NXPE2: variants seen among roughly 807,000 people sequenced by gnomAD.
The protein encoded by NXPE2 is neurexophilin and PC-esterase domain family member 2.
NXPE2 carries 34 observed loss-of-function variants against 34.4 expected under a neutral mutation model. The ratio of observed to expected loss-of-function variants is 0.99; its 90% confidence interval spans 0.75 to 1.31. The LOEUF is 1.31. Among genes scored for constraint, NXPE2 ranks in the 40% most tolerant of loss-of-function variants. The probability of loss-of-function intolerance (pLI) is 0.00; values close to 1 mark genes in which losing one functional copy is unlikely to be tolerated. For missense variants in NXPE2, 649 were observed against 672.5 expected (o/e 0.97, Z 0.39); for synonymous variants, 235 against 231.3 (o/e 1.02, Z -0.15).
the NXPE2 span, among the ~76,000 whole-genome samples, chr11:114,555,488 G>T: frequency 6.6e-6 from 1 of 152,286 alleles, no homozygotes; most frequent in African/African-American, 2.4e-5. Flanking sequence ...GCCTCCCAAA[G>T]TGCTGGGATT....
upstream of NXPE2, among the ~76,000 whole-genome samples, chr11:114,674,820 G>A (rs751265991): frequency 2.0e-5 from 3 of 151,702 alleles, no homozygotes; most frequent in Non-Finnish European, 4.4e-5. Flanking sequence ...GCATTGTCCC[G>A]ATATCAAAGC....
chr11:114,675,668 T>A (rs1394782178), upstream of NXPE2, among the ~76,000 whole-genome samples: 1 of 151,942 alleles, frequency 6.6e-6, no homozygotes, highest in Non-Finnish European at 1.5e-5. Flanking sequence ...AAAATGTCCA[T>A]ACTGCCCAAA....
the NXPE2 span, among the ~76,000 whole-genome samples, chr11:114,650,378 C>A: frequency 1.3e-5 from 2 of 152,196 alleles, no homozygotes; most frequent in Admixed American, 1.3e-4. Flanking sequence ...ATGAGCTCTT[C>A]CCTATGATCC....
chr11:114,586,271 G>A, the NXPE2 span, among the ~76,000 whole-genome samples: 2 of 152,110 alleles, frequency 1.3e-5, no homozygotes, highest in African/African-American at 4.8e-5. Context: ...GTATGTCCAT[G>A]TCCTTGATTT....
chr11:114,534,056 T>C, the NXPE2 span, among the ~76,000 whole-genome samples: 13 of 152,266 alleles, frequency 8.5e-5, no homozygotes, highest in Admixed American at 3.9e-4. Context: ...GACTGACACC[T>C]CACACTGCCG....
At chr11:114,467,471 A>G in the NXPE2 span, among the ~76,000 whole-genome samples, 1 of 152,156 alleles carries the variant, frequency 6.6e-6, no homozygotes, top group Admixed American at 6.5e-5. Context: ...AGACTTCCAC[A>G]CATTCCCCAA....
the NXPE2 span, among the ~76,000 whole-genome samples, chr11:114,561,836 A>C: frequency 1.3e-5 from 2 of 152,224 alleles, no homozygotes; most frequent in Non-Finnish European, 2.9e-5. Flanking sequence ...CTTTTCTTTC[A>C]TAATTTTGAT....
chr11:114,551,350 C>G, the NXPE2 span: 2 of 1,415,474 alleles, frequency 1.4e-6, no homozygotes, highest in East Asian at 2.6e-5. Flanking sequence ...CCTCTGCTAA[C>G]TAACAACTCA....
chr11:114,600,817 C>A, the NXPE2 span, among the ~76,000 whole-genome samples: 1 of 152,032 alleles, frequency 6.6e-6, no homozygotes, highest in African/African-American at 2.4e-5. Flanking sequence ...CTGATGCTGG[C>A]TGAAGGATAT....
the NXPE2 span, among the ~76,000 whole-genome samples, chr11:114,806,350 A>C: frequency 2.0e-5 from 3 of 152,256 alleles, no homozygotes; most frequent in Non-Finnish European, 4.4e-5. Flanking sequence ...ACAGAGAATG[A>C]CTTGGACGAG....
At position 114,704,023 on chromosome 11, in the gene NXPE2, T is replaced by G; in HGVS notation, c.899T>G (p.Phe300Cys). 1.3e-6 allele frequency: 2 copies of G among 1,552,000 alleles called. No individual in the cohort carries two copies. Among genetic ancestry groups the G allele is most frequent in the Non-Finnish European group, 1.7e-6 (2 of 1,146,790 alleles). ...SNIGVEMMKNFTPIEVIPCNK... is the reference protein window; with the variant it reads ...SNIGVEMMKNCTPIEVIPCNK... ...ATAGGAGTTGAAATGATGAAGAACT[T>G]TACCCCCATTGAGGTCATACCATGC... Residue 300 changes from phenylalanine to cysteine, a missense_variant, in exon 4 of 6, where the codon TTT becomes TGT. Transcript: ENST00000389586.
the NXPE2 span, among the ~76,000 whole-genome samples, chr11:114,739,066 G>A: frequency 6.6e-6 from 1 of 152,078 alleles, no homozygotes; most frequent in Admixed American, 6.5e-5. Flanking sequence ...ATAATTCCAA[G>A]ATAATTTAAG....
chr11:114,763,910 A>C, the NXPE2 span, among the ~76,000 whole-genome samples: 4 of 152,170 alleles, frequency 2.6e-5, no homozygotes, highest in East Asian at 1.9e-4. Context: ...TTTCTTTATC[A>C]GTCCATTAAC....
chr11:114,551,017 G>C, the NXPE2 span: 1 of 700,396 alleles, frequency 1.4e-6, no homozygotes, highest in Non-Finnish European at 2.5e-6. Flanking sequence ...AGGAGGGGCA[G>C]GACTAATGGA....
At chr11:114,634,461 AG>A in the NXPE2 span, among the ~76,000 whole-genome samples, 2 of 151,944 alleles carry the variant, frequency 1.3e-5, no homozygotes, top group Non-Finnish European at 2.9e-5. Context: ...GCAGCTCTTT[AG>A]TTTAGTTAGA....
At chr11:114,641,283 A>T in the NXPE2 span, among the ~76,000 whole-genome samples, 1 of 152,164 alleles carries the variant, frequency 6.6e-6, no homozygotes, top group South Asian at 2.1e-4. Context: ...TATTTTAAAA[A>T]TTCCAGAAAG....
At chr11:114,581,352 TGGTGATGGGCTAGTGGTGATATGGGAAGA>T in the NXPE2 span, among the ~76,000 whole-genome samples, 23 of 152,236 alleles carry the variant, frequency 1.5e-4, no homozygotes, top group Non-Finnish European at 2.9e-4. Flanking sequence ...AACCTCTAGA[TGGTGATGGGCTAGTGGTGATATGGGAAGA>T]GGTGATGGGA....
chr11:114,803,022 C>A, the NXPE2 span, among the ~76,000 whole-genome samples: 1 of 152,116 alleles, frequency 6.6e-6, no homozygotes, highest in Admixed American at 6.6e-5. Flanking sequence ...GGTGTGAGAT[C>A]AGCATCTCTC....
the NXPE2 span, among the ~76,000 whole-genome samples, chr11:114,543,539 T>C: frequency 6.6e-6 from 1 of 151,888 alleles, no homozygotes; most frequent in Admixed American, 6.6e-5. Context: ...AAAAATCTTT[T>C]TAGATTGGTT....
Sources: gnomAD v4.1 joint callset for allele counts (sites outside exome capture counted in the v4.1 genomes callset) on GRCh38, gnomAD v4.1.1 for gene constraint, MANE v1.5 for transcripts, NCBI Gene and HGNC (gene_info 2026-07-23, HGNC 2026-07-21) for gene names.